Variants in EPHB2 observed in about 807,000 individuals in gnomAD.
The protein encoded by EPHB2 is EPH receptor B2.
EPHB2 carries 18 observed loss-of-function variants against 96.4 expected under a neutral mutation model. The observed-to-expected ratio is 0.19, with a 90% CI of 0.13 to 0.28. The LOEUF (loss-of-function observed/expected upper bound fraction) is 0.28, where lower values mean the gene tolerates loss of function less well. EPHB2 is among the 10% of genes least tolerant of loss of function. EPHB2 has a pLI of 1.00. For synonymous variants in EPHB2, 506 were observed against 534.1 expected (o/e 0.95, Z 0.72); for missense variants, 989 against 1,355.4 (o/e 0.73, Z 4.25).
At chr1:22,726,722 C>T (rs1022834110) in intron 1 of EPHB2, among the ~76,000 whole-genome samples, 14 of 151,976 alleles carry the variant, frequency 9.2e-5, no homozygotes, top group African/African-American at 2.2e-4. Context: ...ATGCCCAGCC[C>T]GTAATAGTTA....
intron 1 of EPHB2, among the ~76,000 whole-genome samples, chr1:22,751,611 T>C (rs888284238): frequency 2.0e-4 from 30 of 152,214 alleles, no homozygotes; most frequent in African/African-American, 6.5e-4. Context: ...CCTTGAGAGA[T>C]GCGAGCTGAC....
intron 1 of EPHB2, among the ~76,000 whole-genome samples, chr1:22,734,068 A>G (rs1643772598): frequency 2.0e-5 from 3 of 152,194 alleles, no homozygotes; most frequent in Admixed American, 6.5e-5. Context: ...AGTCAAGGAC[A>G]GAGCTCTGCC....
rs1638795323 is a variant in EPHB2, at chr1:22,875,141, T to C, written c.1304-7218T>C. On this transcript the variant is annotated intron_variant, in intron 5 of 15. Transcript: ENST00000374630. The surrounding 1 kb of genome is among the most constrained non-coding windows in gnomAD (Gnocchi z 4.2). ...TCTCTAAGAGGCCCATCAGAAAGAA[T>C]CAAAGGCCCACTTTCTGGAAGTTTT... Among the ~76,000 whole-genome samples, 1 of 152,150 alleles carries C rather than the reference T, an allele frequency of 6.6e-6. No individual in the cohort carries two copies.
At chr1:22,859,312 T>C (rs994308654) in intron 3 of EPHB2, among the ~76,000 whole-genome samples, 1 of 146,252 alleles carries the variant, frequency 6.8e-6, no homozygotes, top group Admixed American at 6.8e-5. Context: ...GGGGGGGTAT[T>C]GTACCTAGGT....
chr1:22,827,293 C>T (rs529094024), intron 3 of EPHB2, among the ~76,000 whole-genome samples: 23 of 152,354 alleles, frequency 1.5e-4, no homozygotes, highest in Admixed American at 1.4e-3. Context: ...TCTCTTTTGT[C>T]TTGCATTGAA....
intron 9 of EPHB2, among the ~76,000 whole-genome samples, chr1:22,897,711 C>T (rs376590521): frequency 2.6e-5 from 4 of 152,124 alleles, no homozygotes; most frequent in Non-Finnish European, 5.9e-5. Flanking sequence ...TGCTTGAACC[C>T]GGGAAGCAGA....
intron 3 of EPHB2, among the ~76,000 whole-genome samples, chr1:22,854,092 A>C (rs1052224687): frequency 6.6e-6 from 1 of 152,162 alleles, no homozygotes; most frequent in African/African-American, 2.4e-5. Flanking sequence ...CACTTGCTGG[A>C]CTTAAGCTGT....
intron 3 of EPHB2, among the ~76,000 whole-genome samples, chr1:22,806,165 A>T (rs1351427204): frequency 6.6e-6 from 1 of 152,252 alleles, no homozygotes; most frequent in Non-Finnish European, 1.5e-5. Flanking sequence ...GAAAGAATGA[A>T]TAATAGCCAT....
At chr1:22,727,811 C>CA (rs148079023) in intron 1 of EPHB2, among the ~76,000 whole-genome samples, 1 of 135,790 alleles carries the variant, frequency 7.4e-6, no homozygotes, top group Non-Finnish European at 1.6e-5. Context: ...AAAAAAAAAA[C>CA]TTTTTTTTTT....
At chr1:22,728,204 G>A (rs1454537669) in intron 1 of EPHB2, among the ~76,000 whole-genome samples, 1 of 152,038 alleles carries the variant, frequency 6.6e-6, no homozygotes, top group Non-Finnish European at 1.5e-5. Context: ...CTAGGACTTA[G>A]CAGGTGCTCA....
chr1:22,814,679 G>A lies in EPHB2; in HGVS notation c.811+29603G>A, dbSNP rs910493203. ...CCACAAAGCCAACCGCAGCTGAGGT[G>A]TATCTACCCTCAAAGCCACTGAGGT... On this transcript the variant is annotated intron_variant, in intron 3 of 15. Transcript: ENST00000374630. Among the ~76,000 whole-genome samples, 7 of 152,214 alleles carry A rather than the reference G, an allele frequency of 4.6e-5. No homozygotes were observed. In the East Asian group the frequency reaches 1.3e-3, roughly 29 times the overall value.
intron 1 of EPHB2, among the ~76,000 whole-genome samples, chr1:22,749,473 C>G (rs1340088822): frequency 1.3e-5 from 2 of 152,214 alleles, no homozygotes. Context: ...AAAGATCCAC[C>G]AGAAACCTGG....
At position 22,906,838 on chromosome 1, in the gene EPHB2, A is replaced by G. The variant is rs767071857; in HGVS notation, c.2017A>G (p.Ile673Val). 1.2e-6 allele frequency: 2 copies of G among 1,614,222 alleles called. No homozygotes were observed. Among genetic ancestry groups the G allele is most frequent in the Non-Finnish European group, 1.7e-6 (2 of 1,180,044 alleles). The change falls in exon 11 of 16, where the codon ATC becomes GTC. Residue 673 changes from isoleucine (I) to valine (V), a missense_variant. Transcript: ENST00000374630. This position sits in a 1 kb window ranked among gnomAD's most constrained non-coding sequence, Gnocchi z 4.8. ...CCGGGACTTCCTGAGCGAAGCCTCC[A>G]TCATGGGCCAGTTCGACCATCCCAA... The part of the protein sequence containing the change: ...QRRDFLSEAS[I>V]MGQFDHPNVI...
chr1:22,864,891 C>T lies in EPHB2; in HGVS notation c.982C>T (p.Pro328Ser). 6.2e-7 allele frequency: 1 copy of T among 1,607,592 alleles called. No homozygotes were observed. The highest frequency in any genetic ancestry group is 8.5e-7 in the Non-Finnish European group (1 of 1,177,226). ...CCCCGCCCCAGCCATCCCCTCCGCG[C>T]CCCAGGCTGTGATTTCCAGTGTCAA... ...DMPCTTIPSA[P>S]QAVISSVNET... Residue 328 changes from proline to serine, a missense_variant, in exon 5 of 16, where the codon CCC becomes TCC. Coordinates refer to ENST00000374630, the MANE Select transcript of EPHB2 (RefSeq NM_017449.5).
intron 3 of EPHB2, among the ~76,000 whole-genome samples, chr1:22,820,399 G>A (rs144538318): frequency 0.012 from 1,856 of 152,202 alleles, 34 homozygotes; most frequent in African/African-American, 0.042. Context: ...GGTGGCTCAC[G>A]CCTGTAATCC....
intron 5 of EPHB2, among the ~76,000 whole-genome samples, chr1:22,872,442 G>C (rs1557726551): frequency 6.6e-6 from 1 of 152,196 alleles, no homozygotes; most frequent in Non-Finnish European, 1.5e-5. Context: ...CTTTTGTCAT[G>C]TAAGGTAACA....
At chr1:22,840,510 G>C (rs1439915204) in intron 3 of EPHB2, among the ~76,000 whole-genome samples, 1 of 152,132 alleles carries the variant, frequency 6.6e-6, no homozygotes, top group Non-Finnish European at 1.5e-5. Context: ...GCCCAGGCTG[G>C]AGTGCAACGA....
intron 3 of EPHB2, among the ~76,000 whole-genome samples, chr1:22,810,196 GA>G (rs1449446976): frequency 2.6e-5 from 4 of 152,302 alleles, no homozygotes; most frequent in Admixed American, 1.3e-4. Flanking sequence ...CACCAGCCAA[GA>G]AGAGACACAG....
At chr1:22,876,459 G>A (rs1409478262) in intron 5 of EPHB2, among the ~76,000 whole-genome samples, 2 of 152,124 alleles carry the variant, frequency 1.3e-5, no homozygotes, top group Non-Finnish European at 2.9e-5. Context: ...GCCAAGGAAG[G>A]GGCTGAACTC....
Sources: gnomAD v4.1 joint callset for allele counts (sites outside exome capture counted in the v4.1 genomes callset) on GRCh38, gnomAD v4.1.1 for gene constraint, Gnocchi (gnomAD v3.1) non-coding constraint, MANE v1.5 for transcripts, NCBI Gene and HGNC (gene_info 2026-07-23, HGNC 2026-07-21) for gene names.